The following SCHIP1 variants were observed in gnomAD, a reference collection of about 807,000 sequenced individuals.
SCHIP1 encodes schwannomin-interacting protein 1.
In SCHIP1, 8 loss-of-function variants were observed where a neutral mutation model predicts 29.7. That is an observed-to-expected ratio of 0.27 (90% confidence interval 0.16 to 0.49). The LOEUF (loss-of-function observed/expected upper bound fraction) is 0.49, where lower values mean the gene tolerates loss of function less well. Among genes scored for constraint, SCHIP1 ranks in the 20% least tolerant of loss-of-function variants. SCHIP1 has a pLI of 0.99. For synonymous variants in SCHIP1, 76 were observed against 94.9 expected (o/e 0.80, Z 1.16); for missense variants, 193 against 294.6 (o/e 0.66, Z 2.52).
the SCHIP1 span, among the ~76,000 whole-genome samples, chr3:159,522,855 G>T: frequency 3.7e-3 from 568 of 152,196 alleles, 8 homozygotes; most frequent in African/African-American, 0.013. Context: ...GCGACAGAGC[G>T]AGACTCTGTC....
the SCHIP1 span, among the ~76,000 whole-genome samples, chr3:159,638,576 A>G: frequency 6.6e-6 from 1 of 150,720 alleles, no homozygotes; most frequent in Non-Finnish European, 1.5e-5. Context: ...GCATTAAAAA[A>G]CCTTTCTCCA....
At chr3:159,753,773 C>T in the SCHIP1 span, among the ~76,000 whole-genome samples, 3 of 152,214 alleles carry the variant, frequency 2.0e-5, no homozygotes, top group African/African-American at 4.8e-5. Flanking sequence ...TCACTCTCCA[C>T]CATCAGCTTA....
At chr3:159,779,385 C>T in the SCHIP1 span, among the ~76,000 whole-genome samples, 37,049 of 151,838 alleles carry the variant, frequency 0.24, 4,792 homozygotes, top group East Asian at 0.45. Context: ...AGGATGTCCC[C>T]GGCCAGGTGC....
the SCHIP1 span, among the ~76,000 whole-genome samples, chr3:159,791,210 A>C: frequency 6.6e-6 from 1 of 152,216 alleles, no homozygotes; most frequent in Non-Finnish European, 1.5e-5. Context: ...TCTCAGTTTC[A>C]TTGTCATATC....
chr3:159,511,877 C>T, the SCHIP1 span, among the ~76,000 whole-genome samples: 2 of 152,008 alleles, frequency 1.3e-5, no homozygotes, highest in African/African-American at 4.8e-5. Context: ...ACATGAAAAA[C>T]AAAACTTTAA....
the SCHIP1 span, among the ~76,000 whole-genome samples, chr3:159,828,440 CGTATATATATACGTATATATAT>C: frequency 9.9e-4 from 47 of 47,604 alleles, no homozygotes; most frequent in South Asian, 0.017. Flanking sequence ...CGTATATATA[CGTATATATATACGTATATATAT>C]GTATATATAC....
At chr3:159,361,341 C>T in the SCHIP1 span, among the ~76,000 whole-genome samples, 1 of 151,766 alleles carries the variant, frequency 6.6e-6, no homozygotes, top group South Asian at 2.1e-4. Flanking sequence ...AAAGAGTATC[C>T]CATGTAGAGG....
the SCHIP1 span, among the ~76,000 whole-genome samples, chr3:159,661,354 C>T: frequency 6.6e-6 from 1 of 152,080 alleles, no homozygotes. Flanking sequence ...TGACTTTTTT[C>T]CTGCCCAATC....
chr3:159,298,388 T>G, the SCHIP1 span, among the ~76,000 whole-genome samples: 2 of 152,192 alleles, frequency 1.3e-5, no homozygotes, highest in African/African-American at 4.8e-5. Flanking sequence ...AATTGTGAAA[T>G]TTCTTGCAGC....
the SCHIP1 span, among the ~76,000 whole-genome samples, chr3:159,468,520 G>C: frequency 6.6e-6 from 1 of 151,504 alleles, no homozygotes. Context: ...TCACTAGTTA[G>C]ATAAGCACAT....
chr3:159,274,162 C>A, the SCHIP1 span: 2 of 985,200 alleles, frequency 2.0e-6, no homozygotes, highest in Non-Finnish European at 2.4e-6. Flanking sequence ...AATTGCATTG[C>A]AGTGGACTTT....
At chr3:159,384,617 C>A in the SCHIP1 span, among the ~76,000 whole-genome samples, 1 of 151,760 alleles carries the variant, frequency 6.6e-6, no homozygotes, top group East Asian at 1.9e-4. Flanking sequence ...GATGATGCTG[C>A]CCTCATAAAA....
the SCHIP1 span, among the ~76,000 whole-genome samples, chr3:159,664,659 A>T: frequency 6.6e-6 from 1 of 152,228 alleles, no homozygotes; most frequent in Non-Finnish European, 1.5e-5. Context: ...TGCAGGCAAA[A>T]GGAAGGTGTG....
At chr3:159,870,758 T>A in intron 2 of SCHIP1, among the ~76,000 whole-genome samples, 1 of 152,030 alleles carries the variant, frequency 6.6e-6, no homozygotes, top group South Asian at 2.1e-4. Context: ...ATCTATTGTA[T>A]TCTTTTCTTC....
chr3:159,395,601 T>C, the SCHIP1 span, among the ~76,000 whole-genome samples: 917 of 152,290 alleles, frequency 6.0e-3, 5 homozygotes, highest in Non-Finnish European at 7.4e-3. Flanking sequence ...CAGGAGCTGG[T>C]TGTTCAGTTT....
At chr3:159,682,079 G>A in the SCHIP1 span, among the ~76,000 whole-genome samples, 1 of 152,196 alleles carries the variant, frequency 6.6e-6, no homozygotes, top group South Asian at 2.1e-4. Flanking sequence ...GGGATGATAA[G>A]GGAGAAGCCC....
the SCHIP1 span, among the ~76,000 whole-genome samples, chr3:159,497,754 A>G: frequency 6.6e-6 from 1 of 152,032 alleles, no homozygotes; most frequent in South Asian, 2.1e-4. Flanking sequence ...ATGTTGTTTT[A>G]CACATTTAAA....
the SCHIP1 span, among the ~76,000 whole-genome samples, chr3:159,305,478 G>T: frequency 5.3e-5 from 8 of 152,112 alleles, no homozygotes; most frequent in South Asian, 2.1e-4. Flanking sequence ...CTCAGAGAAA[G>T]TATTGCTCCT....
At chr3:159,450,054 A>C in the SCHIP1 span, among the ~76,000 whole-genome samples, 1 of 152,200 alleles carries the variant, frequency 6.6e-6, no homozygotes, top group Non-Finnish European at 1.5e-5. Flanking sequence ...AGTAAACTGT[A>C]CATCTTTCTT....
Sources: allele counts gnomAD v4.1 joint callset (sites outside exome capture counted in the v4.1 genomes callset), GRCh38; gene constraint gnomAD v4.1.1; transcripts MANE v1.5; gene names NCBI Gene and HGNC (gene_info 2026-07-23, HGNC 2026-07-21).